The following ZNF516 variants were observed in gnomAD, a reference collection of about 807,000 sequenced individuals.
ZNF516 encodes zinc finger protein 516.
Under a neutral mutation model 79.7 loss-of-function variants are expected in ZNF516, and 19 were observed. The observed-to-expected ratio is 0.24, with a 90% confidence interval of 0.17 to 0.35. ZNF516 has a LOEUF of 0.35. Among genes scored for constraint, ZNF516 ranks in the 10% least tolerant of loss-of-function variants. The pLI is 1.00. For missense variants in ZNF516, 1,678 were observed against 1,679.5 expected (o/e 1.00, Z 0.02); for synonymous variants, 877 against 739.5 (o/e 1.19, Z -3.02).
chr18:76,370,144 A>G (rs959967819), intron 6 of ZNF516, among the ~76,000 whole-genome samples: 1 of 152,230 alleles, frequency 6.6e-6, no homozygotes, highest in Non-Finnish European at 1.5e-5. Flanking sequence ...AACTTTTCTT[A>G]CGGAATAACA....
At chr18:76,475,513 A>G (rs1217435877) in intron 1 of ZNF516, among the ~76,000 whole-genome samples, 3 of 152,214 alleles carry the variant, frequency 2.0e-5, no homozygotes, top group African/African-American at 7.2e-5. Context: ...AAATATTCCC[A>G]CAAGTGCACA....
At chr18:76,375,796 G>C (rs1437645365) in intron 4 of ZNF516, among the ~76,000 whole-genome samples, 1 of 150,560 alleles carries the variant, frequency 6.6e-6, no homozygotes, top group Non-Finnish European at 1.5e-5. Flanking sequence ...CCAAAGACCA[G>C]GTAGAGGATG....
At chr18:76,449,062 TCAG>T (rs1284157745) in intron 2 of ZNF516, among the ~76,000 whole-genome samples, 1 of 152,036 alleles carries the variant, frequency 6.6e-6, no homozygotes, top group Non-Finnish European at 1.5e-5. Context: ...CCTCCCCATC[TCAG>T]CAGTGCCCAG....
At chr18:76,470,609 A>T (rs1008901568) in intron 1 of ZNF516, among the ~76,000 whole-genome samples, 13 of 152,198 alleles carry the variant, frequency 8.5e-5, no homozygotes, top group African/African-American at 3.1e-4. Flanking sequence ...CAAACATTTA[A>T]CGACCACCCT....
intron 2 of ZNF516, among the ~76,000 whole-genome samples, chr18:76,452,448 C>T (rs775978685): frequency 2.0e-5 from 3 of 152,208 alleles, no homozygotes; most frequent in African/African-American, 4.8e-5. Context: ...GGCTTTAGTA[C>T]GCGAACTCTG....
Position 76,358,682 on chromosome 18 carries a change from T to C in ZNF516, c.*3816A>G, listed in dbSNP as rs923509271. 6.6e-6 allele frequency: 1 copy of C among 152,248 alleles called. No homozygotes were observed. Among genetic ancestry groups the C allele is most frequent in the Non-Finnish European group, 1.5e-5 (1 of 68,042 alleles). 9.4% of individuals were successfully genotyped at this position (152,248 alleles called of 1,614,324 possible). A position where few individuals can be genotyped will look rare whatever the true frequency, so the allele number is the denominator to read the frequency against. On this transcript the variant is annotated 3_prime_UTR_variant, in exon 7 of 7. Coordinates refer to ENST00000443185, the MANE Select transcript of ZNF516 (RefSeq NM_014643.4). ...ACTTAAGACATTTTGAAGCAGAAAG[T>C]AAAGCTATGTGAATGCCGTCCTTCC...
At position 76,467,210 on chromosome 18, in the gene ZNF516, CCCCTCT is replaced by C. The variant is rs1913534836; in HGVS notation, c.-271-4075_-271-4070del. Among the ~76,000 whole-genome samples the C allele has an allele frequency of 8.3e-5, 2 of 24,198 alleles. No individual in the cohort carries two copies. The highest frequency in any genetic ancestry group is 1.1e-4 in the Non-Finnish European group (1 of 8,974). The allele number at this position is 24,198 out of a possible 152,430, so 15.9% of individuals were successfully genotyped here. ...GTCTCTCGGAACCTGCAGCTCACAG[CCCCTCT>C]GGGCTGGCAGGAAGTCCTGCGTGTC... On this transcript the variant is annotated intron_variant, in intron 1 of 6. Coordinates refer to ENST00000443185, the MANE Select transcript of ZNF516 (RefSeq NM_014643.4). This position sits in a 1 kb window ranked among gnomAD's most constrained non-coding sequence, Gnocchi z 4.2.
chr18:76,477,296 T>A (rs747238546), intron 1 of ZNF516, among the ~76,000 whole-genome samples: 3 of 152,152 alleles, frequency 2.0e-5, no homozygotes, highest in Non-Finnish European at 4.4e-5. Flanking sequence ...AAAGAAGCAT[T>A]TCAGTGACTA....
intron 1 of ZNF516, among the ~76,000 whole-genome samples, chr18:76,480,869 A>G (rs1163163981): frequency 2.0e-5 from 3 of 152,210 alleles, no homozygotes; most frequent in Non-Finnish European, 4.4e-5. Context: ...AATCAAAAGA[A>G]GAGTATTTTG....
Position 76,379,468 on chromosome 18 carries a change from A to G in ZNF516, c.2646T>C (p.Pro882=), listed in dbSNP as rs773203951. ...GGPCALWAPG[P]DGYRQTKPCH... ...AAGGTTTGGTCTGTCGATACCCGTC[A>G]GGGCCGGGCGCCCACAGAGCGCAGG... Residue 882 remains proline, a synonymous_variant, in exon 4 of 7, where the codon CCT becomes CCC. Transcript: ENST00000443185. 2 of 1,613,616 alleles carry G rather than the reference A, an allele frequency of 1.2e-6. No individual in the cohort carries two copies. The highest frequency in any genetic ancestry group is 2.2e-5 in the East Asian group (1 of 44,862).
chr18:76,367,589 C>T (rs571724509), intron 6 of ZNF516, among the ~76,000 whole-genome samples: 6 of 152,292 alleles, frequency 3.9e-5, no homozygotes, highest in Admixed American at 6.5e-5. Context: ...GGGCCTTCCA[C>T]GTGCTGAGCT....
Position 76,370,585 on chromosome 18 carries a change from C to G in ZNF516, c.3375G>C (p.Glu1125Asp), listed in dbSNP as rs747215763. Residue 1125 changes from glutamate to aspartate, a missense_variant, in exon 6 of 7, where the codon GAG becomes GAC. Physicochemically the swap from Glu to Asp is conservative, Grantham distance 45 (BLOSUM62 2). Coordinates refer to ENST00000443185, the MANE Select transcript of ZNF516 (RefSeq NM_014643.4). ...CTTCAGAACCCCGAGGCCCATCGGA[C>G]TCAAACACCACTGTGGGAACAAGGG... Reference protein sequence around the residue: ...AHMRAHSVVFESDGPRGSEVH... With the variant: ...AHMRAHSVVFDSDGPRGSEVH... The G allele has an allele frequency of 6.2e-6, 10 of 1,603,140 alleles. No homozygotes were observed. Among genetic ancestry groups the G allele is most frequent in the East Asian group, 4.5e-5 (2 of 44,570 alleles).
rs572282154 is a variant in ZNF516, at chr18:76,407,252, C to T, written c.1811-26949G>A. Among the ~76,000 whole-genome samples the T allele has an allele frequency of 3.3e-5, 5 of 152,102 alleles. No individual in the cohort carries two copies. The South Asian group carries it at 1.0e-3, about 32-fold the overall frequency. Reference sequence around the variant, plus strand: ...CGAGAACAACCTGGGCAACAGAGACCCCATCTCCACAAAAATAAAATAATT... The same window carrying T: ...CGAGAACAACCTGGGCAACAGAGACTCCATCTCCACAAAAATAAAATAATT... On this transcript the variant is annotated intron_variant, in intron 3 of 6. Transcript: ENST00000443185.
At chr18:76,465,436 C>T in intron 1 of ZNF516, among the ~76,000 whole-genome samples, 1 of 152,164 alleles carries the variant, frequency 6.6e-6, no homozygotes, top group Non-Finnish European at 1.5e-5. Flanking sequence ...GCCAAGGGGG[C>T]CAATCTGTGT....
rs754048310 is a variant in ZNF516, at chr18:76,379,473, C to T, written c.2641G>A (p.Gly881Ser). Residue 881 changes from glycine to serine, a missense_variant, in exon 4 of 7, where the codon GGC (glycine) becomes AGC (serine). Gly to Ser is a moderately conservative substitution (Grantham distance 56). Around this residue, in one of 5 missense-constraint regions of ZNF516, gnomAD observed 1,294 missense variants for 1,248.3 expected, o/e 1.04. Coordinates refer to ENST00000443185, the MANE Select transcript of ZNF516 (RefSeq NM_014643.4). Reference sequence around the variant, plus strand: ...TTGGTCTGTCGATACCCGTCAGGGCCGGGCGCCCACAGAGCGCAGGGACCT... The same window carrying T: ...TTGGTCTGTCGATACCCGTCAGGGCTGGGCGCCCACAGAGCGCAGGGACCT... The part of the protein sequence containing the change: ...SGGPCALWAP[G>S]PDGYRQTKPC... 35 of 1,613,642 alleles carry T rather than the reference C, an allele frequency of 2.2e-5. No individual in the cohort carries two copies. The highest frequency in any genetic ancestry group is 2.8e-5 in the Non-Finnish European group (33 of 1,179,890).
intron 2 of ZNF516, among the ~76,000 whole-genome samples, chr18:76,446,128 G>T (rs556110850): frequency 4.6e-5 from 7 of 152,294 alleles, no homozygotes; most frequent in Non-Finnish European, 1.0e-4. Context: ...TGTCCTTCAC[G>T]CCCTCAACTC....
At chr18:76,390,669 G>A (rs976742051) in intron 3 of ZNF516, among the ~76,000 whole-genome samples, 4 of 152,216 alleles carry the variant, frequency 2.6e-5, no homozygotes, top group African/African-American at 7.2e-5. Context: ...CCGCAGGCAG[G>A]AGGCCCATGT....
rs377123103 is a variant in ZNF516 at position 76,467,245 on chromosome 18, C to T, written c.-271-4104G>A. Among the ~76,000 whole-genome samples the T allele has an allele frequency of 2.6e-4, 1 of 3,904 alleles. No homozygotes were observed. The highest frequency in any genetic ancestry group is 3.2e-4 in the African/African-American group (1 of 3,138). 2.6% of individuals were successfully genotyped at this position (3,904 alleles called of 152,430 possible). A position where few individuals can be genotyped will look rare whatever the true frequency, so the allele number is the denominator to read the frequency against. ...CTGGCAGGAAGTCCTGCGTGTCTCT[C>T]GGAACCTGCAGCTGACAGCCCCTCT... On this transcript the variant is annotated intron_variant, in intron 1 of 6. Transcript: ENST00000443185. This position sits in a 1 kb window ranked among gnomAD's most constrained non-coding sequence, Gnocchi z 4.2.
intron 3 of ZNF516, among the ~76,000 whole-genome samples, chr18:76,409,396 C>T (rs2075344911): frequency 6.6e-6 from 1 of 152,212 alleles, no homozygotes; most frequent in East Asian, 1.9e-4. Context: ...TCCAAGAACA[C>T]TGCAGGAAAT....
Sources: gnomAD v4.1 joint callset for allele counts (sites outside exome capture counted in the v4.1 genomes callset) on GRCh38, gnomAD v4.1.1 for gene constraint, gnomAD v4.1.1 regional missense constraint, Gnocchi (gnomAD v3.1) non-coding constraint, MANE v1.5 for transcripts, NCBI Gene and HGNC (gene_info 2026-07-23, HGNC 2026-07-21) for gene names.